TIGD1: variants seen among roughly 807,000 people sequenced by gnomAD.
TIGD1 encodes tigger transposable element derived 1.
Under a neutral mutation model 21.3 loss-of-function variants are expected in TIGD1, and 20 were observed. That is an observed-to-expected ratio of 0.94 (90% CI 0.66 to 1.36). TIGD1 has a LOEUF of 1.36. TIGD1 is among the 40% of genes most tolerant of loss of function. The pLI, the probability that TIGD1 is intolerant of heterozygous loss-of-function variation, is 0.00. For synonymous variants in TIGD1, 177 were observed against 123.2 expected, an observed-to-expected ratio of 1.44 and a Z score of -2.89; for missense variants, 556 against 350.5, an observed-to-expected ratio of 1.59 and a Z score of -4.68.
In TIGD1 at chr2:232,544,696, T is replaced by A; in HGVS notation, c.*3411A>T. 6.3e-7 allele frequency: 1 copy of A among 1,584,612 alleles called. No homozygotes were observed. The highest frequency in any genetic ancestry group is 1.1e-5 in the South Asian group (1 of 90,254). ...CAGGTCAGGGAGAGAGGAGCTGGGG[T>A]CCCTAAGGAGAGGCCATCTTCTCTG... On this transcript the variant is annotated 3_prime_UTR_variant, in exon 1 of 1. Transcript: ENST00000408957.
At position 232,545,889 on chromosome 2, in the gene TIGD1, G is replaced by C. The variant is rs577360709; in HGVS notation, c.*2218C>G. The C allele has an allele frequency of 8.9e-6, 7 of 782,418 alleles. No individual in the cohort carries two copies. In the East Asian group the frequency reaches 1.9e-4, roughly 21 times the overall value. The allele number at this position is 782,418 out of a possible 1,614,324, so 48.5% of individuals were successfully genotyped here. On this transcript the variant is annotated 3_prime_UTR_variant, in exon 1 of 1. Coordinates refer to ENST00000408957, the MANE Select transcript of TIGD1 (RefSeq NM_145702.4). ...GGGGAAACAGTCTGAGCTGGAGTCC[G>C]AGAGTGGTTGGGGGTGGGCCGTGGC...
At position 232,544,264 on chromosome 2, in the gene TIGD1, A is replaced by G; in HGVS notation, c.*3843T>C. On this transcript the variant is annotated 3_prime_UTR_variant, in exon 1 of 1. Transcript: ENST00000408957. ...ACCAAGGCCACGTCACTGCCCCGGT[A>G]TGCTGCCTCCATGGTCCCTAGCAGC... 1.1e-6 allele frequency: 1 copy of G among 892,746 alleles called. No individual in the cohort carries two copies. Among genetic ancestry groups the G allele is most frequent in the South Asian group, 1.3e-5 (1 of 76,434 alleles). 55.3% of individuals were successfully genotyped at this position (892,746 alleles called of 1,614,324 possible). A position where few individuals can be genotyped will look rare whatever the true frequency, so the allele number is the denominator to read the frequency against.
In TIGD1 at chr2:232,544,642, G is replaced by T; in HGVS notation, c.*3465C>A. ...CCTGGGACCCCAGCTGGGGAGCCAG[G>T]CACAGCAGATGAGTGCTGGAGAAGT... On this transcript the variant is annotated 3_prime_UTR_variant, in exon 1 of 1. Transcript: ENST00000408957. The T allele has an allele frequency of 6.4e-7, 1 of 1,570,888 alleles. No individual in the cohort carries two copies. The highest frequency in any genetic ancestry group is 8.8e-7 in the Non-Finnish European group (1 of 1,142,698).
In TIGD1 at chr2:232,544,910, G is replaced by C. The variant is rs201178274; in HGVS notation, c.*3197C>G. On this transcript the variant is annotated 3_prime_UTR_variant, in exon 1 of 1. Coordinates refer to ENST00000408957, the MANE Select transcript of TIGD1 (RefSeq NM_145702.4). ...CAGAGTCACTTTGACAATGTAAGCTGAGTCAGGGTGGGGTGGAGGTGGAGT... is the reference window on the plus strand; with the variant it reads ...CAGAGTCACTTTGACAATGTAAGCTCAGTCAGGGTGGGGTGGAGGTGGAGT... The C allele has an allele frequency of 1.2e-6, 2 of 1,613,916 alleles. No homozygotes were observed. Among genetic ancestry groups the C allele is most frequent in the Non-Finnish European group, 1.7e-6 (2 of 1,180,008 alleles).
In TIGD1 at chr2:232,548,284, G is replaced by T. The variant is rs1448031484; in HGVS notation, c.1599C>A (p.Ile533=). The T allele has an allele frequency of 2.0e-6, 3 of 1,535,018 alleles. No homozygotes were observed. Among genetic ancestry groups the T allele is most frequent in the African/African-American group, 1.4e-5 (1 of 72,932 alleles). The change falls in exon 1 of 1, where the codon ATC becomes ATA. Residue 533 remains isoleucine (I), a synonymous_variant. Coordinates refer to ENST00000408957, the MANE Select transcript of TIGD1 (RefSeq NM_145702.4). ...TGAGTTGACTCTTCCTTTCATGAAA[G>T]ATTTCTCTGTAGCATGCGATGCTGT... ...LSNSIACYRE[I]FHERKSQLMR... is the part of the protein sequence containing the mutation.
In TIGD1 at chr2:232,545,755, G is replaced by C. The variant is rs777563686; in HGVS notation, c.*2352C>G. 3 of 1,607,980 alleles carry C rather than the reference G, an allele frequency of 1.9e-6. No homozygotes were observed. Among genetic ancestry groups the C allele is most frequent in the Non-Finnish European group, 2.6e-6 (3 of 1,174,984 alleles). ...TGTGGGGCATGTGGGAGTCACACAC[G>C]TGGGTCACACTGAGTCTTATCAGCC... On this transcript the variant is annotated 3_prime_UTR_variant, in exon 1 of 1. Coordinates refer to ENST00000408957, the MANE Select transcript of TIGD1 (RefSeq NM_145702.4).
chr2:232,544,826 C>A lies in TIGD1; in HGVS notation c.*3281G>T, dbSNP rs1462260955. The stretch of plus-strand genomic sequence containing the variant: ...TTCTGTGGCAGCCTGAAGCAGGCTG[C>A]CCCAGCCATCCAGGCCTGTGTGGAA... On this transcript the variant is annotated 3_prime_UTR_variant, in exon 1 of 1. Coordinates refer to ENST00000408957, the MANE Select transcript of TIGD1 (RefSeq NM_145702.4). The A allele has an allele frequency of 1.2e-6, 2 of 1,613,614 alleles. No homozygotes were observed. Among genetic ancestry groups the A allele is most frequent in the East Asian group, 2.2e-5 (1 of 44,880 alleles).
Position 232,545,498 on chromosome 2 carries a change from C to T in TIGD1, c.*2609G>A, listed in dbSNP as rs760566845. The T allele has an allele frequency of 6.4e-6, 10 of 1,571,272 alleles. No individual in the cohort carries two copies. In the South Asian group the frequency reaches 9.0e-5, roughly 14 times the overall value. On this transcript the variant is annotated 3_prime_UTR_variant, in exon 1 of 1. Transcript: ENST00000408957. ...GGATGAGAACAGGACCCAGGGAAGA[C>T]CTGGTGCCGCCGCTGGTTATCCCAC...
In TIGD1 at chr2:232,547,986, A is replaced by C; in HGVS notation, c.*121T>G. 1 of 445,768 alleles carries C rather than the reference A, an allele frequency of 2.2e-6. No homozygotes were observed. Among genetic ancestry groups the C allele is most frequent in the Non-Finnish European group, 3.9e-6 (1 of 255,204 alleles). The allele number at this position is 445,768 out of a possible 1,614,324, so 27.6% of individuals were successfully genotyped here. On this transcript the variant is annotated 3_prime_UTR_variant, in exon 1 of 1. Transcript: ENST00000408957. The stretch of plus-strand genomic sequence containing the variant: ...TCACATGAATGTTTTTGGTTTCCCA[A>C]TGCATATAAAAGTTATGTTTACACT...
rs11689217 is a variant in TIGD1 at position 232,550,122 on chromosome 2, T to G, written c.-240A>C. The G allele has an allele frequency of 0.19, 77,163 of 405,122 alleles. 7,723 individuals are homozygous for G. The highest frequency in any genetic ancestry group is 0.25 in the Middle Eastern group (397 of 1,560). 25.1% of individuals were successfully genotyped at this position (405,122 alleles called of 1,614,324 possible). A position where few individuals can be genotyped will look rare whatever the true frequency, so the allele number is the denominator to read the frequency against. On this transcript the variant is annotated 5_prime_UTR_variant, in exon 1 of 1. An upstream open reading frame in the 5' UTR loses its in-frame stop. Coordinates refer to ENST00000408957, the MANE Select transcript of TIGD1 (RefSeq NM_145702.4). ...AGACACAGAAATCATGAAAAAGTTT[T>G]AAATATTTTGAGAATTACCAAAATG...
In TIGD1 at chr2:232,544,496, G is replaced by A. The variant is rs889638118; in HGVS notation, c.*3611C>T. ...ATGGTCGATCACAACTGGGGAGGAG[G>A]TGGCCCTCTGCCTGCCTCGCAGTGA... On this transcript the variant is annotated 3_prime_UTR_variant, in exon 1 of 1. Coordinates refer to ENST00000408957, the MANE Select transcript of TIGD1 (RefSeq NM_145702.4). 6.2e-7 allele frequency: 1 copy of A among 1,613,854 alleles called. No homozygotes were observed. Among genetic ancestry groups the A allele is most frequent in the Non-Finnish European group, 8.5e-7 (1 of 1,179,994 alleles).
rs1256789061 is a variant in TIGD1, at chr2:232,546,751, T to C, written c.*1356A>G. Among the ~76,000 whole-genome samples, 1 of 152,144 alleles carries C rather than the reference T, an allele frequency of 6.6e-6. No homozygotes were observed. The highest frequency in any genetic ancestry group is 1.9e-4 in the East Asian group (1 of 5,184). ...GCGGGACTCCACACAACAGTGGTGG[T>C]TAAACAAGGTTTGAAGTCCAGAATT... On this transcript the variant is annotated 3_prime_UTR_variant, in exon 1 of 1. Coordinates refer to ENST00000408957, the MANE Select transcript of TIGD1 (RefSeq NM_145702.4).
rs550119744 is a variant in TIGD1, at chr2:232,548,453, G to A, written c.1430C>T (p.Pro477Leu). Residue 477 changes from proline (P) to leucine (L), a missense_variant, in exon 1 of 1, where the codon CCT (proline) becomes CTT (leucine). Pro to Leu is a moderately conservative substitution (Grantham distance 98, BLOSUM62 -3). Coordinates refer to ENST00000408957, the MANE Select transcript of TIGD1 (RefSeq NM_145702.4). ...AACAATGTTCACAGCATCTTCACCAGGTGTAGATTCCATCTCAAGAAACCA... is the reference window on the plus strand; with the variant it reads ...AACAATGTTCACAGCATCTTCACCAAGTGTAGATTCCATCTCAAGAAACCA... ...RKWFLEMEST[P>L]GEDAVNIVEM... 5.0e-5 allele frequency: 35 copies of A among 698,844 alleles called. No homozygotes were observed. In the East Asian group the frequency reaches 9.1e-4, roughly 18 times the overall value. The allele number at this position is 698,844 out of a possible 1,614,324, so 43.3% of individuals were successfully genotyped here.
rs1323116002 is a variant in TIGD1 at position 232,549,310 on chromosome 2, G to A, written c.573C>T (p.Phe191=). 3.0e-6 allele frequency: 2 copies of A among 666,402 alleles called. No individual in the cohort carries two copies. Among genetic ancestry groups the A allele is most frequent in the African/African-American group, 3.5e-5 (2 of 56,772 alleles). 41.3% of individuals were successfully genotyped at this position (666,402 alleles called of 1,614,324 possible). ...QQIFNVDETA[F]YWKKMPSRTF... The stretch of plus-strand genomic sequence containing the variant: ...TTCTAGATGGCATCTTCTTCCAATA[G>A]AAGGCTGTTTCATCTACATTGAAAA... The change falls in exon 1 of 1, where the codon TTC becomes TTT. Residue 191 remains phenylalanine, a synonymous_variant. Coordinates refer to ENST00000408957, the MANE Select transcript of TIGD1 (RefSeq NM_145702.4).
Position 232,544,283 on chromosome 2 carries a change from T to C in TIGD1, c.*3824A>G. 9.7e-7 allele frequency: 1 copy of C among 1,027,130 alleles called. No homozygotes were observed. The highest frequency in any genetic ancestry group is 1.3e-5 in the South Asian group (1 of 79,256). 63.6% of individuals were successfully genotyped at this position (1,027,130 alleles called of 1,614,324 possible). A position where few individuals can be genotyped will look rare whatever the true frequency, so the allele number is the denominator to read the frequency against. Reference sequence around the variant, plus strand: ...CCCGGTATGCTGCCTCCATGGTCCCTAGCAGCACAAGCCCTTCACGCCAAC... The same window carrying C: ...CCCGGTATGCTGCCTCCATGGTCCCCAGCAGCACAAGCCCTTCACGCCAAC... On this transcript the variant is annotated 3_prime_UTR_variant, in exon 1 of 1. Coordinates refer to ENST00000408957, the MANE Select transcript of TIGD1 (RefSeq NM_145702.4).
rs1692091511 is a variant in TIGD1, at chr2:232,544,703, G to C, written c.*3404C>G. ...GGGAGAGAGGAGCTGGGGTCCCTAA[G>C]GAGAGGCCATCTTCTCTGCCTGTTT... On this transcript the variant is annotated 3_prime_UTR_variant, in exon 1 of 1. Transcript: ENST00000408957. 1 of 1,597,134 alleles carries C rather than the reference G, an allele frequency of 6.3e-7. No individual in the cohort carries two copies. Among genetic ancestry groups the C allele is most frequent in the African/African-American group, 1.3e-5 (1 of 74,554 alleles).
chr2:232,550,376 G>A lies in TIGD1; in HGVS notation c.-494C>T, dbSNP rs1574652128. 2.2e-6 allele frequency: 1 copy of A among 455,712 alleles called. No homozygotes were observed. The highest frequency in any genetic ancestry group is 4.3e-5 in the Admixed American group (1 of 23,084). The allele number at this position is 455,712 out of a possible 1,614,324, so 28.2% of individuals were successfully genotyped here. ...CGTCCCGCACTGGAGGAAGAGGAAGGTTTTTACCAAGCAGCGAGTCCAGAG... is the reference window on the plus strand; with the variant it reads ...CGTCCCGCACTGGAGGAAGAGGAAGATTTTTACCAAGCAGCGAGTCCAGAG... On this transcript the variant is annotated 5_prime_UTR_variant, in exon 1 of 1. Transcript: ENST00000408957.
In TIGD1 at chr2:232,549,213, C is replaced by G. The variant is rs1169569204; in HGVS notation, c.670G>C (p.Gly224Arg). Residue 224 changes from glycine (G) to arginine (R), a missense_variant, in exon 1 of 1, where the codon GGG becomes CGG. Transcript: ENST00000408957. ...ASKDRLTLLLGANAAGDFKLK... is the reference protein window; with the variant it reads ...ASKDRLTLLLRANAAGDFKLK... The stretch of plus-strand genomic sequence containing the variant: ...TTAAAGTCACCAGCTGCATTAGCCC[C>G]TAACAAGAGAGTCAGCCTGTCCTTT... 4 of 689,092 alleles carry G rather than the reference C, an allele frequency of 5.8e-6. No homozygotes were observed. In the South Asian group the frequency reaches 6.4e-5, roughly 11 times the overall value. 42.7% of individuals were successfully genotyped at this position (689,092 alleles called of 1,614,324 possible).
In TIGD1 at chr2:232,550,269, A is replaced by G. The variant is rs1284061589; in HGVS notation, c.-387T>C. On this transcript the variant is annotated 5_prime_UTR_variant, in exon 1 of 1. Coordinates refer to ENST00000408957, the MANE Select transcript of TIGD1 (RefSeq NM_145702.4). Reference sequence around the variant, plus strand: ...GAATGCCCTATCTGCGAAGCGTAATAAAACGAGGTATGCCATAGTACAGTG... The same window carrying G: ...GAATGCCCTATCTGCGAAGCGTAATGAAACGAGGTATGCCATAGTACAGTG... 6.9e-6 allele frequency: 2 copies of G among 289,536 alleles called. No homozygotes were observed. Among genetic ancestry groups the G allele is most frequent in the Admixed American group, 5.4e-5 (1 of 18,630 alleles). 17.9% of individuals were successfully genotyped at this position (289,536 alleles called of 1,614,324 possible).
Sources: gnomAD v4.1 joint callset for allele counts (sites outside exome capture counted in the v4.1 genomes callset) on GRCh38, gnomAD v4.1.1 for gene constraint, MANE v1.5 for transcripts, NCBI Gene and HGNC (gene_info 2026-07-23, HGNC 2026-07-21) for gene names.